PDZRN3: variants seen among roughly 807,000 people sequenced by gnomAD.
PDZRN3 encodes PDZ domain containing ring finger 3, also known as E3 ubiquitin-protein ligase PDZRN3.
Under a neutral mutation model 85.7 loss-of-function variants are expected in PDZRN3, and 38 were observed. That is an observed-to-expected ratio of 0.44 (90% CI 0.34 to 0.58). The LOEUF is 0.58. PDZRN3 is among the 20% of genes least tolerant of loss of function. The probability of loss-of-function intolerance (pLI) is 0.01; values close to 1 mark genes in which losing one functional copy is unlikely to be tolerated. For missense variants in PDZRN3, 1,629 were observed against 1,506.4 expected, an observed-to-expected ratio of 1.08 and a Z score of -1.35; for synonymous variants, 759 against 638.0, an observed-to-expected ratio of 1.19 and a Z score of -2.86.
intron 3 of PDZRN3, among the ~76,000 whole-genome samples, chr3:73,524,916 A>G (rs1214409441): frequency 6.6e-6 from 1 of 151,544 alleles, no homozygotes; most frequent in Non-Finnish European, 1.5e-5. Flanking sequence ...ATACATATGA[A>G]AATCACAGAT....
At chr3:73,476,036 ATTTAACATTC>A (rs1208722007) in intron 3 of PDZRN3, among the ~76,000 whole-genome samples, 1 of 152,168 alleles carries the variant, frequency 6.6e-6, no homozygotes, top group Non-Finnish European at 1.5e-5. Flanking sequence ...TTGGAATGTG[ATTTAACATTC>A]TTAGAAACAC....
At chr3:73,611,007 A>T (rs1467016017) in intron 1 of PDZRN3, among the ~76,000 whole-genome samples, 3 of 152,214 alleles carry the variant, frequency 2.0e-5, no homozygotes, top group Non-Finnish European at 4.4e-5. Context: ...AGGTAGAGTG[A>T]TTAAGAAAGT....
At chr3:73,569,802 G>C (rs1702018850) in intron 3 of PDZRN3, among the ~76,000 whole-genome samples, 1 of 152,208 alleles carries the variant, frequency 6.6e-6, no homozygotes, top group African/African-American at 2.4e-5. Context: ...TGAGAACAGG[G>C]GCTCTGAGTG....
At chr3:73,623,885 T>C (rs1424746010) in intron 1 of PDZRN3, 2 of 422,514 alleles carry the variant, frequency 4.7e-6, no homozygotes, top group Non-Finnish European at 4.1e-6. Context: ...AGCTATACTT[T>C]ACCGGTTACG....
chr3:73,464,702 TTA>T (rs1491531062), intron 3 of PDZRN3, among the ~76,000 whole-genome samples: 1 of 152,178 alleles, frequency 6.6e-6, no homozygotes. Context: ...GTGTCTCTTT[TTA>T]AAAAAATCTG....
At chr3:73,596,904 A>G (rs1465774185) in intron 3 of PDZRN3, among the ~76,000 whole-genome samples, 5 of 152,194 alleles carry the variant, frequency 3.3e-5, no homozygotes, top group Non-Finnish European at 5.9e-5. Context: ...TTAGATTACC[A>G]TACTGTTACA....
In PDZRN3 at chr3:73,458,359, C is replaced by T. The variant is rs1450074815; in HGVS notation, c.919-53964G>A. ...TTCAGAGACTGGCCACCTCTAAGTA[C>T]TGGTTTCTTCTGCTGCTGAAGAAAG... On this transcript the variant is annotated intron_variant, in intron 3 of 9. Transcript: ENST00000263666. Among the ~76,000 whole-genome samples the T allele has an allele frequency of 3.3e-5, 5 of 152,002 alleles. No homozygotes were observed. The South Asian group carries it at 1.0e-3, about 32-fold the overall frequency.
intron 3 of PDZRN3, among the ~76,000 whole-genome samples, chr3:73,567,322 GAACAAGACTTTCAAACT>G (rs1701967443): frequency 6.6e-6 from 1 of 151,976 alleles, no homozygotes; most frequent in African/African-American, 2.4e-5. Context: ...GGAGATTTAG[GAACAAGACTTTCAAACT>G]ATATGTGAAT....
chr3:73,448,752 G>A (rs1009572490), intron 3 of PDZRN3, among the ~76,000 whole-genome samples: 1 of 152,194 alleles, frequency 6.6e-6, no homozygotes, highest in African/African-American at 2.4e-5. Flanking sequence ...AGAAACATAG[G>A]CCAGAATAAT....
intron 3 of PDZRN3, among the ~76,000 whole-genome samples, chr3:73,546,150 A>T (rs1475558351): frequency 6.6e-6 from 1 of 152,184 alleles, no homozygotes; most frequent in Admixed American, 6.5e-5. Flanking sequence ...TAAATGAGCA[A>T]ATCAATGAAT....
chr3:73,624,008 G>A (rs775337773), intron 1 of PDZRN3, 95 bp downstream of exon 1: 9 of 1,202,784 alleles, frequency 7.5e-6, no homozygotes, highest in Non-Finnish European at 8.7e-6. Flanking sequence ...ATGTTCCCGG[G>A]AAGCTCGGGG....
intron 3 of PDZRN3, among the ~76,000 whole-genome samples, chr3:73,573,923 T>A (rs1256235695): frequency 6.6e-6 from 1 of 152,172 alleles, no homozygotes; most frequent in Non-Finnish European, 1.5e-5. Flanking sequence ...ACAGCAAATA[T>A]AGAAGGGTGT....
At chr3:73,578,189 A>C (rs1281702486) in intron 3 of PDZRN3, among the ~76,000 whole-genome samples, 1 of 127,064 alleles carries the variant, frequency 7.9e-6, no homozygotes, top group East Asian at 2.2e-4. Flanking sequence ...TTTGAGACGG[A>C]GTCTCGCTCT....
intron 3 of PDZRN3, among the ~76,000 whole-genome samples, chr3:73,546,939 G>C (rs192321652): frequency 1.8e-4 from 27 of 152,290 alleles, no homozygotes; most frequent in African/African-American, 5.5e-4. Flanking sequence ...GGAAGATGAG[G>C]TGAGAACTCC....
intron 3 of PDZRN3, among the ~76,000 whole-genome samples, chr3:73,426,389 A>G (rs1284322930): frequency 1.3e-5 from 2 of 152,206 alleles, no homozygotes; most frequent in Admixed American, 6.5e-5. Flanking sequence ...AAGCTGATGA[A>G]TATCAGATGT....
At chr3:73,516,735 A>C (rs1704263143) in intron 3 of PDZRN3, among the ~76,000 whole-genome samples, 1 of 152,224 alleles carries the variant, frequency 6.6e-6, no homozygotes, top group South Asian at 2.1e-4. Context: ...AACCCTGGCC[A>C]AAATTATCCT....
At chr3:73,462,224 G>C (rs1703119075) in intron 3 of PDZRN3, among the ~76,000 whole-genome samples, 1 of 152,150 alleles carries the variant, frequency 6.6e-6, no homozygotes, top group Admixed American at 6.5e-5. Flanking sequence ...AATCTGAATG[G>C]TAATTTTCTC....
At chr3:73,572,956 C>G (rs1702065820) in intron 3 of PDZRN3, among the ~76,000 whole-genome samples, 1 of 152,210 alleles carries the variant, frequency 6.6e-6, no homozygotes, top group Admixed American at 6.5e-5. Flanking sequence ...AAATAACACA[C>G]AACTCATTAG....
chr3:73,605,309 G>T lies in PDZRN3; in HGVS notation c.811-2848C>A, dbSNP rs1236911100. Among the ~76,000 whole-genome samples, 4 of 152,042 alleles carry T rather than the reference G, an allele frequency of 2.6e-5. No homozygotes were observed. In the South Asian group the frequency reaches 6.2e-4, roughly 24 times the overall value. On this transcript the variant is annotated intron_variant, in intron 2 of 9. Transcript: ENST00000263666. ...AGAGTTAGTTACAGCTATTTATCAAGGTGAACTAATATGACTTGGAATTTA... is the reference window on the plus strand; with the variant it reads ...AGAGTTAGTTACAGCTATTTATCAATGTGAACTAATATGACTTGGAATTTA...
Sources: allele counts gnomAD v4.1 joint callset (sites outside exome capture counted in the v4.1 genomes callset), GRCh38; gene constraint gnomAD v4.1.1; transcripts MANE v1.5; gene names NCBI Gene and HGNC (gene_info 2026-07-23, HGNC 2026-07-21).